TTF2: variants seen among roughly 807,000 people sequenced by gnomAD.
The protein encoded by TTF2 is RNA polymerase II termination factor.
Under a neutral mutation model 142.4 loss-of-function variants are expected in TTF2, and 108 were observed. The ratio of observed to expected loss-of-function variants is 0.76; its 90% CI spans 0.65 to 0.89. The LOEUF (loss-of-function observed/expected upper bound fraction) is 0.89, where lower values mean the gene tolerates loss of function less well. TTF2 is among the 40% of genes least tolerant of loss of function. The pLI is 0.00. For missense variants in TTF2, 1,327 were observed against 1,379.8 expected, an observed-to-expected ratio of 0.96 and a Z score of 0.61; for synonymous variants, 483 against 506.2, an observed-to-expected ratio of 0.95 and a Z score of 0.61.
chr1:117,091,960 G>T lies in TTF2; in HGVS notation c.2805+10G>T. ...TTCTTTACTGAAGTCGGTAAGAAAAGCCCTCAGCCTGCTGTCATATAGTGC... is the reference window on the plus strand; with the variant it reads ...TTCTTTACTGAAGTCGGTAAGAAAATCCCTCAGCCTGCTGTCATATAGTGC... On this transcript the variant is annotated intron_variant, in intron 17 of 22. Transcript: ENST00000369466. 6.2e-7 allele frequency: 1 copy of T among 1,610,494 alleles called. No individual in the cohort carries two copies. The highest frequency in any genetic ancestry group is 8.5e-7 in the Non-Finnish European group (1 of 1,179,086).
chr1:117,093,857 A>G lies in TTF2; in HGVS notation c.2976+956A>G, dbSNP rs1648836627. 6.6e-6 allele frequency among the ~76,000 whole-genome samples: 1 copy of G among 152,200 alleles called. No individual in the cohort carries two copies. The highest frequency in any genetic ancestry group is 1.5e-5 in the Non-Finnish European group (1 of 68,040). ...TTAACATATGTCCATTAATAGTTCA[A>G]ACCACATACGGTTGTTTCAAGTAGG... On this transcript the variant is annotated intron_variant, in intron 18 of 22. Coordinates refer to ENST00000369466, the MANE Select transcript of TTF2 (RefSeq NM_003594.4). This position sits in a 1 kb window ranked among gnomAD's most constrained non-coding sequence, Gnocchi z 4.5.
chr1:117,081,093 C>A (rs141443040), intron 9 of TTF2, among the ~76,000 whole-genome samples: 27 of 152,354 alleles, frequency 1.8e-4, no homozygotes, highest in African/African-American at 6.3e-4. Flanking sequence ...ATCCGAGTTT[C>A]CAGAGGCAAC....
At chr1:117,077,673 G>A (rs1657125826) in intron 7 of TTF2, among the ~76,000 whole-genome samples, 1 of 152,170 alleles carries the variant, frequency 6.6e-6, no homozygotes, top group African/African-American at 2.4e-5. Context: ...TGTGTAATAG[G>A]ATCAGTTGAC....
rs73006042 is a variant in TTF2 at position 117,086,900 on chromosome 1, G to T, written c.2160+378G>T. 6.6e-6 allele frequency among the ~76,000 whole-genome samples: 1 copy of T among 151,556 alleles called. No individual in the cohort carries two copies. The highest frequency in any genetic ancestry group is 1.5e-5 in the Non-Finnish European group (1 of 67,926). ...TGTGCAGACTAGTATTTTACTACTA[G>T]TATTTTGATTTTAAGCCATCTTTCC... On this transcript the variant is annotated intron_variant, in intron 12 of 22. Transcript: ENST00000369466. The surrounding 1 kb of genome is among the most constrained non-coding windows in gnomAD (Gnocchi z 4.2).
chr1:117,095,206 A>G, intron 18 of TTF2, 103 bp from the exon 19 acceptor site: 1 of 1,062,712 alleles, frequency 9.4e-7, no homozygotes, highest in Non-Finnish European at 1.5e-6. Flanking sequence ...AGGTGAGGCC[A>G]GAGCACAGAC....
chr1:117,088,659 A>C (rs1648256963), intron 12 of TTF2, 142 bp from the exon 13 acceptor site: 1 of 771,144 alleles, frequency 1.3e-6, no homozygotes, highest in African/African-American at 1.8e-5. Context: ...GGGTTTCTTA[A>C]TTCTTATTTC....
rs1649820612 is a variant in TTF2, at chr1:117,104,701, CAT to C, written c.*3178_*3179del. On this transcript the variant is annotated 3_prime_UTR_variant, in exon 23 of 23. Coordinates refer to ENST00000369466, the MANE Select transcript of TTF2 (RefSeq NM_003594.4). ...CCTTAATGGGATGGAATATACTAAA[CAT>C]GCATTCTTAAATCCTAGTGCTGGGA... is the stretch of plus-strand genomic sequence containing the variant. The C allele has an allele frequency of 6.6e-6, 1 of 152,198 alleles. No homozygotes were observed. The highest frequency in any genetic ancestry group is 6.5e-5 in the Admixed American group (1 of 15,286). 9.4% of individuals were successfully genotyped at this position (152,198 alleles called of 1,614,324 possible).
rs1415595420 is a variant in TTF2 at position 117,073,052 on chromosome 1, T to G, written c.219-609T>G. 2.6e-5 allele frequency among the ~76,000 whole-genome samples: 4 copies of G among 152,276 alleles called. No individual in the cohort carries two copies. The highest frequency in any genetic ancestry group is 9.6e-5 in the African/African-American group (4 of 41,472). On this transcript the variant is annotated intron_variant, in intron 3 of 22. Coordinates refer to ENST00000369466, the MANE Select transcript of TTF2 (RefSeq NM_003594.4). This position sits in a 1 kb window ranked among gnomAD's most constrained non-coding sequence, Gnocchi z 4.4. Reference sequence around the variant, plus strand: ...AATTGGAATTGATTAATATGTCTTTTAAGTCTCTGAAGTTTTCCCTTCATC... The same window carrying G: ...AATTGGAATTGATTAATATGTCTTTGAAGTCTCTGAAGTTTTCCCTTCATC...
rs138518951 is a variant in TTF2, at chr1:117,066,782, G to T, written c.218+4309G>T. Among the ~76,000 whole-genome samples, 552 of 147,566 alleles carry T rather than the reference G, an allele frequency of 3.7e-3. 5 individuals are homozygous for T. Among genetic ancestry groups the T allele is most frequent in the African/African-American group, 0.013 (520 of 40,014 alleles). On this transcript the variant is annotated intron_variant, in intron 3 of 22. Coordinates refer to ENST00000369466, the MANE Select transcript of TTF2 (RefSeq NM_003594.4). ...CAGTGGCACAATCTCAGCTCACTGC[G>T]ACCTCTGCCTCCCAGGTTCAGGTGA...
At position 117,079,634 on chromosome 1, in the gene TTF2, C is replaced by T. The variant is rs776553127; in HGVS notation, c.1768C>T (p.Gln590Ter). The T allele has an allele frequency of 6.2e-7, 1 of 1,614,200 alleles. No individual in the cohort carries two copies. The highest frequency in any genetic ancestry group is 1.1e-5 in the South Asian group (1 of 91,086). The change falls in exon 9 of 23, where the codon CAA (glutamine) becomes TAA (stop). Residue 590 changes from glutamine (Q) to a stop codon, truncating the protein, a stop_gained. Coordinates refer to ENST00000369466, the MANE Select transcript of TTF2 (RefSeq NM_003594.4). LOFTEE classifies it high-confidence loss of function. The surrounding 1 kb of genome is among the most constrained non-coding windows in gnomAD (Gnocchi z 4.2). ...ACTATGGCGAGAAAGTCAGAAGCCA[C>T]AAGGAGGAATTCTGGGTAAGTGTGG... is the stretch of plus-strand genomic sequence containing the variant. The part of the protein sequence containing the change: ...WLLWRESQKP[Q>*]GGILADDMGL...
At position 117,070,679 on chromosome 1, in the gene TTF2, A is replaced by G. The variant is rs1313123842; in HGVS notation, c.219-2982A>G. 2.0e-5 allele frequency among the ~76,000 whole-genome samples: 3 copies of G among 152,254 alleles called. No individual in the cohort carries two copies. The highest frequency in any genetic ancestry group is 4.4e-5 in the Non-Finnish European group (3 of 68,048). ...GAATTTTATGCATTCAAAGCATTTC[A>G]GAAATTGTATTACATATGTTTAATA... is the stretch of plus-strand genomic sequence containing the variant. On this transcript the variant is annotated intron_variant, in intron 3 of 22. Coordinates refer to ENST00000369466, the MANE Select transcript of TTF2 (RefSeq NM_003594.4). This position sits in a 1 kb window ranked among gnomAD's most constrained non-coding sequence, Gnocchi z 4.2.
intron 8 of TTF2, among the ~76,000 whole-genome samples, chr1:117,078,601 A>T (rs922516993): frequency 2.0e-5 from 3 of 152,232 alleles, no homozygotes; most frequent in African/African-American, 4.8e-5. Context: ...AGAAGTGGTG[A>T]TCAGCTGTCA....
chr1:117,103,981 A>G lies in TTF2; in HGVS notation c.*2457A>G, dbSNP rs1014911478. 5 of 152,152 alleles carry G rather than the reference A, an allele frequency of 3.3e-5. No individual in the cohort carries two copies. The highest frequency in any genetic ancestry group is 1.9e-4 in the East Asian group (1 of 5,210). 9.4% of individuals were successfully genotyped at this position (152,152 alleles called of 1,614,324 possible). On this transcript the variant is annotated 3_prime_UTR_variant, in exon 23 of 23. Transcript: ENST00000369466. ...AAAAAAAAAAAAAAAAAGAGAGAGA[A>G]AAAAATCCTTACTTTCTCTACACTC...
At chr1:117,064,079 T>C (rs1438317415) in intron 3 of TTF2, among the ~76,000 whole-genome samples, 1 of 152,202 alleles carries the variant, frequency 6.6e-6, no homozygotes, top group East Asian at 1.9e-4. Flanking sequence ...CATTGCACAA[T>C]TGTTACATAA....
intron 22 of TTF2, 54 bp downstream of exon 22, chr1:117,098,961 G>C: frequency 6.6e-7 from 1 of 1,510,760 alleles, no homozygotes. Context: ...CTTTGTGAAA[G>C]TCTTTCTTTC....
chr1:117,089,260 C>CATATATATATATATATATATATATATATA, intron 13 of TTF2, among the ~76,000 whole-genome samples: 1 of 137,532 alleles, frequency 7.3e-6, no homozygotes, highest in South Asian at 2.4e-4. Flanking sequence ...CAAATATATG[C>CATATATATATATATATATATATATATATA]TATATATATA....
At chr1:117,060,867 C>A (rs1655619764) in intron 2 of TTF2, among the ~76,000 whole-genome samples, 2 of 152,188 alleles carry the variant, frequency 1.3e-5, no homozygotes, top group African/African-American at 2.4e-5. Context: ...CTTAACCACT[C>A]CCTTCTCCTG....
chr1:117,074,459 G>A (rs982968887), intron 4 of TTF2, among the ~76,000 whole-genome samples: 1 of 152,124 alleles, frequency 6.6e-6, no homozygotes, highest in Non-Finnish European at 1.5e-5. Context: ...TGAGTCCTTT[G>A]TGGGTTTGGC....
intron 16 of TTF2, among the ~76,000 whole-genome samples, 167 bp downstream of exon 16, chr1:117,091,577 G>A (rs1362474908): frequency 6.6e-6 from 1 of 152,164 alleles, no homozygotes; most frequent in Admixed American, 6.6e-5. Flanking sequence ...GAGATCTGGT[G>A]TTTATTTAGC....
Sources: allele counts gnomAD v4.1 joint callset (sites outside exome capture counted in the v4.1 genomes callset), GRCh38; gene constraint gnomAD v4.1.1; non-coding constraint Gnocchi (gnomAD v3.1); transcripts MANE v1.5; gene names NCBI Gene and HGNC (gene_info 2026-07-23, HGNC 2026-07-21).